MTHFD2L: variants seen among roughly 807,000 people sequenced by gnomAD.
MTHFD2L encodes the protein methylenetetrahydrofolate dehydrogenase (NADP+ dependent) 2 like.
MTHFD2L carries 29 observed loss-of-function variants against 34.9 expected under a neutral mutation model. The observed-to-expected ratio is 0.83, with a 90% CI of 0.62 to 1.13. MTHFD2L has a LOEUF of 1.13. Among genes scored for constraint, MTHFD2L ranks in the 50% most tolerant of loss-of-function variants. The pLI is 0.00. For synonymous variants in MTHFD2L, 167 were observed against 155.7 expected (o/e 1.07, Z -0.54); for missense variants, 481 against 446.5 (o/e 1.08, Z -0.70).
intron 1 of MTHFD2L, chr4:74,140,326 T>TA (rs1310602791): frequency 1.2e-5 from 2 of 165,080 alleles, no homozygotes; most frequent in African/African-American, 4.8e-5. Flanking sequence ...ATATAAAAGA[T>TA]AAAAAAATGA....
chr4:74,249,145 CT>C (rs1742941190), intron 6 of MTHFD2L, among the ~76,000 whole-genome samples: 1 of 151,296 alleles, frequency 6.6e-6, no homozygotes, highest in Admixed American at 6.6e-5. Flanking sequence ...TCAGGACTTG[CT>C]TTATGAATCT....
chr4:74,133,871 C>T (rs565909265), intron 1 of MTHFD2L, among the ~76,000 whole-genome samples: 1 of 152,120 alleles, frequency 6.6e-6, no homozygotes, highest in Non-Finnish European at 1.5e-5. Context: ...AAAAGAAATA[C>T]ACAGCAGCAA....
At chr4:74,175,190 A>T in intron 2 of MTHFD2L, 91 bp from the exon 3 acceptor site, 1 of 1,355,770 alleles carries the variant, frequency 7.4e-7, no homozygotes, top group East Asian at 2.3e-5. Context: ...CTTTCACGGC[A>T]GTAGGAACAG....
intron 6 of MTHFD2L, among the ~76,000 whole-genome samples, chr4:74,234,388 G>A (rs966260450): frequency 6.6e-6 from 1 of 151,886 alleles, no homozygotes; most frequent in Non-Finnish European, 1.5e-5. Context: ...AACTTGCTTT[G>A]TTTTGACTAA....
chr4:74,292,220 A>C (rs1560566994), intron 7 of MTHFD2L, among the ~76,000 whole-genome samples: 1 of 152,248 alleles, frequency 6.6e-6, no homozygotes. Context: ...CTTTGAAATC[A>C]AATCAACTTC....
At chr4:74,245,361 T>C (rs1254663334) in intron 6 of MTHFD2L, among the ~76,000 whole-genome samples, 1 of 151,984 alleles carries the variant, frequency 6.6e-6, no homozygotes, top group East Asian at 1.9e-4. Flanking sequence ...AATAGACATA[T>C]TGTTTTTCAA....
At chr4:74,237,880 G>T (rs1741081997) in intron 6 of MTHFD2L, among the ~76,000 whole-genome samples, 1 of 152,166 alleles carries the variant, frequency 6.6e-6, no homozygotes, top group Non-Finnish European at 1.5e-5. Flanking sequence ...TGTCTTCAAT[G>T]AAAAAACTAG....
At position 74,291,003 on chromosome 4, in the gene MTHFD2L, C is replaced by CTTTTTTTTTTTTTTTTTT. The variant is rs10585551; in HGVS notation, c.931+9468_931+9485dup. On this transcript the variant is annotated intron_variant, in intron 7 of 7. Coordinates refer to ENST00000325278, the MANE Select transcript of MTHFD2L (RefSeq NM_001144978.3). ...CTGTCTTACATTTATTTTTCCTTTT[C>CTTTTTTTTTTTTTTTTTT]TTTTTTTTTTTTTTTTTTTTTTTTT... Among the ~76,000 whole-genome samples, 35 of 29,278 alleles carry CTTTTTTTTTTTTTTTTTT rather than the reference C, an allele frequency of 1.2e-3. 9 individuals carry two copies. Among genetic ancestry groups the CTTTTTTTTTTTTTTTTTT allele is most frequent in the Admixed American group, 3.5e-3 (5 of 1,432 alleles). The allele number at this position is 29,278 out of a possible 152,430, so 19.2% of individuals were successfully genotyped here. A position where few individuals can be genotyped will look rare whatever the true frequency, so the allele number is the denominator to read the frequency against.
At chr4:74,276,042 A>G (rs1018521630) in intron 6 of MTHFD2L, among the ~76,000 whole-genome samples, 1 of 152,068 alleles carries the variant, frequency 6.6e-6, no homozygotes, top group South Asian at 2.1e-4. Flanking sequence ...CCTGAGTGGT[A>G]TTGCAAAGCA....
intron 1 of MTHFD2L, among the ~76,000 whole-genome samples, chr4:74,171,677 T>G (rs1485533280): frequency 3.9e-5 from 6 of 151,962 alleles, no homozygotes; most frequent in Non-Finnish European, 7.4e-5. Context: ...GTGGCATATG[T>G]CTGTAATTCC....
At chr4:74,179,026 G>T (rs567215476) in intron 3 of MTHFD2L, among the ~76,000 whole-genome samples, 1 of 151,936 alleles carries the variant, frequency 6.6e-6, no homozygotes, top group Non-Finnish European at 1.5e-5. Flanking sequence ...CCCTTACCTG[G>T]ATTATTTTAT....
chr4:74,187,641 A>G (rs1414024593), intron 3 of MTHFD2L, among the ~76,000 whole-genome samples: 1 of 152,128 alleles, frequency 6.6e-6, no homozygotes, highest in Non-Finnish European at 1.5e-5. Context: ...ATGTGGAGGG[A>G]TAGTAACCAT....
At chr4:74,211,924 G>A (rs1736392631) in intron 5 of MTHFD2L, among the ~76,000 whole-genome samples, 2 of 152,012 alleles carry the variant, frequency 1.3e-5, no homozygotes, top group African/African-American at 4.8e-5. Flanking sequence ...GAGGGTGTAT[G>A]TGTCCAGGAA....
chr4:74,263,438 T>G (rs576683528), intron 6 of MTHFD2L, among the ~76,000 whole-genome samples: 9 of 152,236 alleles, frequency 5.9e-5, no homozygotes, highest in South Asian at 2.1e-4. Context: ...TTTAATGATA[T>G]TGATTCTTTC....
In MTHFD2L at chr4:74,234,934, C is replaced by T. The variant is rs919269132; in HGVS notation, c.805+9540C>T. Among the ~76,000 whole-genome samples the T allele has an allele frequency of 3.3e-5, 5 of 151,844 alleles. No homozygotes were observed. The East Asian group carries it at 9.6e-4, about 29-fold the overall frequency. On this transcript the variant is annotated intron_variant, in intron 6 of 7. Transcript: ENST00000325278. ...GACTCTGAAAAGTACATGAATGAGT[C>T]GGGTTTCATCCCACAGAATGAACAG...
At chr4:74,147,384 G>C (rs1184219065) in intron 1 of MTHFD2L, among the ~76,000 whole-genome samples, 7 of 152,148 alleles carry the variant, frequency 4.6e-5, no homozygotes, top group Non-Finnish European at 1.0e-4. Context: ...GTGTGGGAAG[G>C]CTGGCTAGGG....
chr4:74,270,955 T>C (rs1745902568), intron 6 of MTHFD2L, among the ~76,000 whole-genome samples: 1 of 152,190 alleles, frequency 6.6e-6, no homozygotes, highest in South Asian at 2.1e-4. Flanking sequence ...GTCTGTTGGC[T>C]GCATAAATGT....
chr4:74,125,417 A>G (rs1051948579), upstream of MTHFD2L: 2 of 152,186 alleles, frequency 1.3e-5, no homozygotes, highest in Non-Finnish European at 2.9e-5. Flanking sequence ...TAATTTACCT[A>G]AGTAGTCTTT....
chr4:74,252,723 G>A (rs948123790), intron 6 of MTHFD2L, among the ~76,000 whole-genome samples: 1 of 151,988 alleles, frequency 6.6e-6, no homozygotes, highest in Non-Finnish European at 1.5e-5. Context: ...AGAGAAATAA[G>A]TATCTAGAAA....
Sources: gnomAD v4.1 joint callset for allele counts (sites outside exome capture counted in the v4.1 genomes callset) on GRCh38, gnomAD v4.1.1 for gene constraint, MANE v1.5 for transcripts, NCBI Gene and HGNC (gene_info 2026-07-23, HGNC 2026-07-21) for gene names.